ECT2: variants seen among roughly 807,000 people sequenced by gnomAD.
The protein encoded by ECT2 is protein ECT2.
A neutral mutation model predicts 116.9 loss-of-function variants in ECT2; 61 were observed. That is an observed-to-expected ratio of 0.52 (90% CI 0.42 to 0.65). The LOEUF (loss-of-function observed/expected upper bound fraction) is 0.65. ECT2 is among the 30% of genes least tolerant of loss of function. The probability of loss-of-function intolerance (pLI) is 0.00; values close to 1 mark genes in which losing one functional copy is unlikely to be tolerated. For missense variants in ECT2, 937 were observed against 1,078.7 expected (o/e 0.87, Z 1.84); for synonymous variants, 358 against 346.4 (o/e 1.03, Z -0.37).
intron 12 of ECT2, among the ~76,000 whole-genome samples, chr3:172,765,040 G>C (rs1397982270): frequency 1.3e-5 from 2 of 152,002 alleles, no homozygotes; most frequent in Non-Finnish European, 2.9e-5. Flanking sequence ...AATCTCCTCC[G>C]GACCTCATGA....
At chr3:172,777,835 G>A (rs1238927237) in intron 14 of ECT2, among the ~76,000 whole-genome samples, 1 of 152,178 alleles carries the variant, frequency 6.6e-6, no homozygotes, top group African/African-American at 2.4e-5. Flanking sequence ...GGAGGCAGAG[G>A]TTGCAGTGAG....
At position 172,820,700 on chromosome 3, in the gene ECT2, A is replaced by G. The variant is rs1169317297; in HGVS notation, c.*463A>G. ...TGAAAACTTGCATAGAATTCTGATT[A>G]AATAGTGGGTCTGTTTCACATGTGC... On this transcript the variant is annotated 3_prime_UTR_variant, in exon 25 of 25. Coordinates refer to ENST00000392692, the MANE Select transcript of ECT2 (RefSeq NM_001258315.2). 6.6e-6 allele frequency: 1 copy of G among 152,108 alleles called. No individual in the cohort carries two copies. Among genetic ancestry groups the G allele is most frequent in the African/African-American group, 2.4e-5 (1 of 41,436 alleles). 9.4% of individuals were successfully genotyped at this position (152,108 alleles called of 1,614,324 possible). A position where few individuals can be genotyped will look rare whatever the true frequency, so the allele number is the denominator to read the frequency against.
the ECT2 span, among the ~76,000 whole-genome samples, chr3:172,828,352 GGC>G: frequency 4.3e-5 from 6 of 140,114 alleles, no homozygotes; most frequent in East Asian, 1.0e-3. Flanking sequence ...GTGTGTGTGT[GGC>G]TGTGTCTGTG....
At chr3:172,815,583 A>G (rs907549203) in intron 22 of ECT2, 21 bp from the exon 23 acceptor site, 1 of 1,451,028 alleles carries the variant, frequency 6.9e-7, no homozygotes, top group African/African-American at 1.4e-5. Context: ...TAAGATAACA[A>G]AAAGTATTAT....
At chr3:172,772,279 G>A (rs569407131) in intron 13 of ECT2, among the ~76,000 whole-genome samples, 3 of 152,050 alleles carry the variant, frequency 2.0e-5, no homozygotes, top group South Asian at 2.1e-4. Flanking sequence ...AGTGCAGAGC[G>A]CCTCCCAAGT....
intron 22 of ECT2, among the ~76,000 whole-genome samples, chr3:172,814,548 T>G (rs1246154034): frequency 6.6e-6 from 1 of 152,186 alleles, no homozygotes; most frequent in Non-Finnish European, 1.5e-5. Context: ...TTGTCTAACT[T>G]GCTTTCTTCT....
chr3:172,828,728 G>A, the ECT2 span: 2 of 519,742 alleles, frequency 3.8e-6, no homozygotes, highest in South Asian at 2.1e-5. Context: ...CCCCCATGGA[G>A]CCTCACGTGG....
At chr3:172,764,527 T>A in intron 12 of ECT2, 27 bp downstream of exon 12, 1 of 1,583,914 alleles carries the variant, frequency 6.3e-7, no homozygotes, top group Non-Finnish European at 8.7e-7. Context: ...AAAACTTGTC[T>A]TTAAAGTTTA....
chr3:172,815,227 G>C (rs1264655322), intron 22 of ECT2, among the ~76,000 whole-genome samples: 1 of 152,198 alleles, frequency 6.6e-6, no homozygotes, highest in Non-Finnish European at 1.5e-5. Flanking sequence ...TAAAGTAGGA[G>C]AAAGTCTAAA....
At chr3:172,797,018 C>CTGTGTGTGTG (rs57188529) in intron 18 of ECT2, among the ~76,000 whole-genome samples, 34,025 of 138,860 alleles carry the variant, frequency 0.25, 4,489 homozygotes, top group Admixed American at 0.34. Flanking sequence ...TCAGGTTCAA[C>CTGTGTGTGTG]TGTGTGTGTG....
chr3:172,799,702 A>C (rs566439110), intron 18 of ECT2, among the ~76,000 whole-genome samples: 1 of 152,206 alleles, frequency 6.6e-6, no homozygotes, highest in Non-Finnish European at 1.5e-5. Flanking sequence ...TCCAGTACCC[A>C]CAATGGTCTT....
At chr3:172,807,731 G>A (rs928891176) in intron 21 of ECT2, 39 bp from the exon 22 acceptor site, 21 of 1,574,404 alleles carry the variant, frequency 1.3e-5, no homozygotes, top group Non-Finnish European at 1.8e-5. Context: ...ATTTTCCAAG[G>A]AGTGACACTT....
At chr3:172,791,501 T>TG (rs1724662070) in intron 18 of ECT2, among the ~76,000 whole-genome samples, 3 of 152,384 alleles carry the variant, frequency 2.0e-5, no homozygotes, top group Admixed American at 2.0e-4. Context: ...CTGGATAACT[T>TG]GCTGTAGCTT....
chr3:172,769,901 A>G (rs1214005410), intron 13 of ECT2, among the ~76,000 whole-genome samples: 1 of 152,228 alleles, frequency 6.6e-6, no homozygotes, highest in African/African-American at 2.4e-5. Context: ...ATCTTTCAAT[A>G]GAAAACAATA....
chr3:172,761,998 C>G (rs1718395953), intron 8 of ECT2, among the ~76,000 whole-genome samples: 1 of 151,912 alleles, frequency 6.6e-6, no homozygotes, highest in Non-Finnish European at 1.5e-5. Flanking sequence ...TTTGTGTTAT[C>G]TGGTTACATT....
intron 11 of ECT2, among the ~76,000 whole-genome samples, chr3:172,763,966 A>C (rs1718832112): frequency 6.6e-6 from 1 of 152,262 alleles, no homozygotes; most frequent in Non-Finnish European, 1.5e-5. Context: ...TACAGCGAAC[A>C]GACTGTGAAT....
At chr3:172,797,922 A>G (rs1242824213) in intron 18 of ECT2, among the ~76,000 whole-genome samples, 1 of 152,220 alleles carries the variant, frequency 6.6e-6, no homozygotes, top group Admixed American at 6.5e-5. Context: ...CTGGTTACAT[A>G]AATGACTATT....
At chr3:172,763,195 A>C (rs758015208) in intron 11 of ECT2, among the ~76,000 whole-genome samples, 2 of 152,354 alleles carry the variant, frequency 1.3e-5, no homozygotes, top group Non-Finnish European at 1.5e-5. Context: ...CTTGGTGATA[A>C]CATTACGAAC....
intron 13 of ECT2, 151 bp from the exon 14 acceptor site, chr3:172,773,752 A>T: frequency 1.3e-6 from 1 of 768,672 alleles, no homozygotes; most frequent in Non-Finnish European, 2.1e-6. Context: ...TAGAATAGAA[A>T]ATATGGGGAA....
Sources: allele counts gnomAD v4.1 joint callset (sites outside exome capture counted in the v4.1 genomes callset), GRCh38; gene constraint gnomAD v4.1.1; transcripts MANE v1.5; gene names NCBI Gene and HGNC (gene_info 2026-07-23, HGNC 2026-07-21).